CSMD1: variants seen among roughly 807,000 people sequenced by gnomAD.
The protein encoded by CSMD1 is CUB and sushi domain-containing protein 1.
Under a neutral mutation model 417.5 loss-of-function variants are expected in CSMD1, and 213 were observed. The observed-to-expected ratio is 0.51, with a 90% CI of 0.46 to 0.57. The LOEUF (loss-of-function observed/expected upper bound fraction) is 0.57. Ranked by LOEUF, CSMD1 falls within the 20% of genes least tolerant of loss-of-function variation. The pLI is 0.00. For missense variants in CSMD1, 6,923 were observed against 4,529.7 expected, an observed-to-expected ratio of 1.53 and a Z score of -15.17; for synonymous variants, 2,862 against 1,736.8, an observed-to-expected ratio of 1.65 and a Z score of -16.11.
At chr8:3,680,662 G>C (rs573037788) in intron 7 of CSMD1, among the ~76,000 whole-genome samples, 2 of 152,274 alleles carry the variant, frequency 1.3e-5, no homozygotes, top group African/African-American at 2.4e-5. Flanking sequence ...ATAGAAAAAA[G>C]AGGGACTCCT....
chr8:2,973,294 T>A lies in CSMD1; in HGVS notation c.8746A>T (p.Asn2916Tyr), dbSNP rs745380780. 4 of 1,613,566 alleles carry A rather than the reference T, an allele frequency of 2.5e-6. No homozygotes were observed. In the African/African-American group the frequency reaches 5.3e-5, roughly 21 times the overall value. ...SGALPHCTGN[N>Y]PGFCGDPGTP... Reference sequence around the variant, plus strand: ...CCCGGATCACCACAGAATCCAGGATTATTTCCTATTGAAAACAAACACATA... The same window carrying A: ...CCCGGATCACCACAGAATCCAGGATAATTTCCTATTGAAAACAAACACATA... The change falls in exon 57 of 70, where the codon AAT (asparagine) becomes TAT (tyrosine). Residue 2916 changes from asparagine (N) to tyrosine (Y), a missense_variant. Physicochemically the swap from Asn to Tyr is moderately radical, Grantham distance 143 (BLOSUM62 -2). Coordinates refer to ENST00000635120, the MANE Select transcript of CSMD1 (RefSeq NM_033225.6).
chr8:4,179,515 TG>T (rs1267776376), intron 3 of CSMD1, among the ~76,000 whole-genome samples: 2 of 150,468 alleles, frequency 1.3e-5, no homozygotes, highest in East Asian at 3.9e-4. Context: ...GACGTAGGCA[TG>T]GGCAAAGACT....
chr8:3,432,816 C>T (rs1436734828), intron 12 of CSMD1, among the ~76,000 whole-genome samples: 4 of 152,136 alleles, frequency 2.6e-5, no homozygotes, highest in Non-Finnish European at 4.4e-5. Flanking sequence ...ACATGGCCAA[C>T]ATGGGCTTAT....
intron 5 of CSMD1, among the ~76,000 whole-genome samples, chr8:3,799,973 G>A (rs1005343413): frequency 2.0e-5 from 3 of 152,128 alleles, no homozygotes; most frequent in African/African-American, 7.2e-5. Context: ...TGGGGTATAA[G>A]CATTTCACTC....
intron 1 of CSMD1, among the ~76,000 whole-genome samples, chr8:4,646,675 T>G (rs1333397681): frequency 6.6e-6 from 1 of 152,186 alleles, no homozygotes; most frequent in East Asian, 1.9e-4. Context: ...ATTTTAAAAT[T>G]GTAATACCAT....
chr8:3,919,207 A>G (rs974523855), intron 5 of CSMD1, among the ~76,000 whole-genome samples: 25 of 149,402 alleles, frequency 1.7e-4, no homozygotes, highest in South Asian at 1.5e-3. Context: ...AAAAAAAAAA[A>G]AAAGAAAGAA....
At chr8:3,030,636 C>T (rs143809750) in intron 50 of CSMD1, among the ~76,000 whole-genome samples, 3,281 of 152,014 alleles carry the variant, frequency 0.022, 128 homozygotes, top group African/African-American at 0.076. Context: ...AGATGTCCAC[C>T]ACCATGCCCA....
At chr8:4,734,171 C>G (rs770462795) in intron 1 of CSMD1, among the ~76,000 whole-genome samples, 1 of 152,102 alleles carries the variant, frequency 6.6e-6, no homozygotes, top group Non-Finnish European at 1.5e-5. Context: ...AGAGCTTGTA[C>G]TGGGACATTT....
chr8:3,756,650 T>C (rs1376124085), intron 5 of CSMD1, among the ~76,000 whole-genome samples: 1 of 152,190 alleles, frequency 6.6e-6, no homozygotes, highest in Non-Finnish European at 1.5e-5. Flanking sequence ...AGACTATGAA[T>C]ACAAAAGATC....
intron 38 of CSMD1, 45 bp downstream of exon 38, chr8:3,162,114 G>T: frequency 8.0e-7 from 1 of 1,254,470 alleles, no homozygotes; most frequent in Non-Finnish European, 1.1e-6. Flanking sequence ...GCTGCACAAA[G>T]ATGACCATGT....
chr8:4,907,220 C>G (rs1461559242), intron 1 of CSMD1, among the ~76,000 whole-genome samples: 1 of 152,102 alleles, frequency 6.6e-6, no homozygotes, highest in African/African-American at 2.4e-5. Flanking sequence ...TGAAATCTTC[C>G]TAGTGAAAAG....
chr8:3,035,827 T>G (rs1331209966), intron 50 of CSMD1, among the ~76,000 whole-genome samples: 1 of 152,242 alleles, frequency 6.6e-6, no homozygotes, highest in East Asian at 1.9e-4. Flanking sequence ...CAGTTTACCT[T>G]ATATTTCTTC....
At chr8:4,539,825 G>A (rs966688913) in intron 2 of CSMD1, among the ~76,000 whole-genome samples, 1 of 152,144 alleles carries the variant, frequency 6.6e-6, no homozygotes, top group African/African-American at 2.4e-5. Context: ...AGCATTATGT[G>A]TATGAAATAG....
intron 1 of CSMD1, among the ~76,000 whole-genome samples, chr8:4,795,236 T>C (rs751943270): frequency 3.7e-4 from 54 of 144,760 alleles, no homozygotes; most frequent in Non-Finnish European, 6.0e-4. Context: ...CATTTCTAGG[T>C]CTGCTGGTGT....
intron 5 of CSMD1, among the ~76,000 whole-genome samples, chr8:3,828,555 C>A (rs918172230): frequency 1.3e-5 from 2 of 152,156 alleles, no homozygotes; most frequent in Admixed American, 6.5e-5. Context: ...TTGTGTCTTA[C>A]AGAACTTGTC....
intron 2 of CSMD1, among the ~76,000 whole-genome samples, chr8:4,517,695 A>G (rs568185106): frequency 8.5e-5 from 13 of 152,374 alleles, no homozygotes; most frequent in African/African-American, 3.1e-4. Context: ...TCAAACACTC[A>G]AAATACTAAT....
chr8:3,012,392 G>T (rs1445857591), intron 52 of CSMD1, among the ~76,000 whole-genome samples: 2 of 152,104 alleles, frequency 1.3e-5, no homozygotes, highest in Non-Finnish European at 2.9e-5. Flanking sequence ...GGCCACTCCA[G>T]CTGCAATACT....
At chr8:3,895,858 C>T (rs1207228672) in intron 5 of CSMD1, among the ~76,000 whole-genome samples, 2 of 152,130 alleles carry the variant, frequency 1.3e-5, no homozygotes, top group African/African-American at 2.4e-5. Context: ...CCAGACAAGT[C>T]GGATGGGAAT....
At chr8:3,485,369 T>C (rs1426590376) in intron 11 of CSMD1, among the ~76,000 whole-genome samples, 1 of 152,094 alleles carries the variant, frequency 6.6e-6, no homozygotes, top group Non-Finnish European at 1.5e-5. Flanking sequence ...CAGATAATGT[T>C]TGGCAGGGGT....
Sources: allele counts gnomAD v4.1 joint callset (sites outside exome capture counted in the v4.1 genomes callset), GRCh38; gene constraint gnomAD v4.1.1; transcripts MANE v1.5; gene names NCBI Gene and HGNC (gene_info 2026-07-23, HGNC 2026-07-21).